The following SYNE2 variants were observed in gnomAD, a reference collection of about 807,000 sequenced individuals.
The protein encoded by SYNE2 is nesprin-2.
In SYNE2, 431 loss-of-function variants were observed where a neutral mutation model predicts 856.3. The ratio of observed to expected loss-of-function variants is 0.50; its 90% confidence interval spans 0.47 to 0.55. The LOEUF is 0.55. Ranked by LOEUF, SYNE2 falls within the 20% of genes least tolerant of loss-of-function variation. SYNE2 has a pLI of 0.00. For missense variants in SYNE2, 8,129 were observed against 8,023.2 expected, an observed-to-expected ratio of 1.01 and a Z score of -0.50; for synonymous variants, 2,923 against 2,872.3, an observed-to-expected ratio of 1.02 and a Z score of -0.56.
At chr14:63,926,476 A>G (rs1278599136) in intron 2 of SYNE2, among the ~76,000 whole-genome samples, 3 of 152,176 alleles carry the variant, frequency 2.0e-5, no homozygotes, top group Non-Finnish European at 4.4e-5. Flanking sequence ...TCAGTCTGTG[A>G]ATGCCATGTG....
chr14:64,048,307 C>T (rs1432852993), intron 46 of SYNE2, 152 bp downstream of exon 46: 3 of 629,468 alleles, frequency 4.8e-6, no homozygotes, highest in Non-Finnish European at 8.1e-6. Flanking sequence ...TAATTATGTA[C>T]TAAGTAAGTT....
intron 99 of SYNE2, chr14:64,191,058 A>C (rs2098516315): frequency 4.3e-6 from 3 of 702,156 alleles, no homozygotes; most frequent in Admixed American, 2.0e-5. Flanking sequence ...TTTGAACAAC[A>C]CATAGAATTT....
chr14:63,803,024 C>G (rs1326018481), intron 1 of SYNE2, among the ~76,000 whole-genome samples: 5 of 152,206 alleles, frequency 3.3e-5, no homozygotes, highest in Non-Finnish European at 7.3e-5. Context: ...GAGCAGGTTG[C>G]CAATAATGGC....
rs57259697 is a variant in SYNE2 at position 64,000,640 on chromosome 14, A to C, written c.3559A>C (p.Ile1187Leu). 9,367 of 1,613,540 alleles carry C rather than the reference A, an allele frequency of 5.8e-3. 487 individuals are homozygous for C. In the African/African-American group the frequency reaches 0.11, roughly 19 times the overall value. The change falls in exon 28 of 116, where the codon ATA (isoleucine) becomes CTA (leucine). Residue 1187 changes from isoleucine (I) to leucine (L), a missense_variant. Around this residue, in one of 3 missense-constraint regions of SYNE2, gnomAD observed 2,422 missense variants for 2,357.4 expected, o/e 1.03. Transcript: ENST00000555002. ...GAAGTTAGAAAATCATGTGAATGACATAAAAAAGCCTTTTGTAATTAAGGA... is the reference window on the plus strand; with the variant it reads ...GAAGTTAGAAAATCATGTGAATGACCTAAAAAAGCCTTTTGTAATTAAGGA... ...SLKLENHVNDIKKPFVIKERD... is the reference protein window; with the variant it reads ...SLKLENHVNDLKKPFVIKERD...
At chr14:64,141,809 T>G in intron 81 of SYNE2, 133 bp from the exon 82 acceptor site, 2 of 1,208,176 alleles carry the variant, frequency 1.7e-6, no homozygotes, top group South Asian at 1.4e-5. Context: ...GAATGCTGGG[T>G]TTGTTTTTTT....
chr14:63,809,236 A>AT (rs60842747), intron 1 of SYNE2, among the ~76,000 whole-genome samples: 1 of 152,022 alleles, frequency 6.6e-6, no homozygotes, highest in Admixed American at 6.6e-5. Context: ...AAAAAAAAAA[A>AT]GTAAATTTGC....
chr14:64,009,871 C>T, intron 31 of SYNE2, 95 bp from the exon 32 acceptor site: 1 of 1,121,560 alleles, frequency 8.9e-7, no homozygotes. Flanking sequence ...AAGTCCTTTA[C>T]ACCTTATTCA....
intron 16 of SYNE2, among the ~76,000 whole-genome samples, chr14:63,981,544 T>A (rs1460362109): frequency 2.0e-5 from 3 of 152,226 alleles, no homozygotes; most frequent in Non-Finnish European, 4.4e-5. Context: ...AAACTACTGT[T>A]CAGAAAGTTT....
At chr14:63,802,144 T>C (rs1171604196) in intron 1 of SYNE2, among the ~76,000 whole-genome samples, 1 of 151,376 alleles carries the variant, frequency 6.6e-6, no homozygotes, top group African/African-American at 2.4e-5. Flanking sequence ...TCTTGCTCTG[T>C]CACCCAGGCT....
intron 91 of SYNE2, 44 bp downstream of exon 91, chr14:64,167,431 T>A (rs2098386404): frequency 1.2e-6 from 2 of 1,614,244 alleles, no homozygotes; most frequent in Non-Finnish European, 1.7e-6. Flanking sequence ...TAAGGTAAAA[T>A]TAACGGCTTC....
chr14:64,056,734 G>A (rs1223694465), intron 49 of SYNE2, among the ~76,000 whole-genome samples: 2 of 151,340 alleles, frequency 1.3e-5, no homozygotes, highest in African/African-American at 2.4e-5. Context: ...GCAGTGGCAC[G>A]ATCTTGGCTC....
intron 96 of SYNE2, 81 bp from the exon 97 acceptor site, chr14:64,186,343 T>A: frequency 6.3e-7 from 1 of 1,582,994 alleles, no homozygotes; most frequent in Non-Finnish European, 8.7e-7. Context: ...CAGAGTCTAA[T>A]CAAAGGATTA....
intron 57 of SYNE2, among the ~76,000 whole-genome samples, chr14:64,086,876 A>G (rs1239255396): frequency 6.6e-6 from 1 of 151,326 alleles, no homozygotes; most frequent in Non-Finnish European, 1.5e-5. Flanking sequence ...CACCTGGCTA[A>G]TTTTTGTATT....
At chr14:64,223,132 T>C in intron 112 of SYNE2, 57 bp from the exon 113 acceptor site, 1 of 1,600,800 alleles carries the variant, frequency 6.2e-7, no homozygotes, top group Non-Finnish European at 8.5e-7. Flanking sequence ...ACCTCCTGTG[T>C]CCACACTCGC....
At chr14:63,767,902 C>T (rs1886746027) in intron 1 of SYNE2, among the ~76,000 whole-genome samples, 1 of 151,964 alleles carries the variant, frequency 6.6e-6, no homozygotes. Flanking sequence ...TATATGAAAG[C>T]CATTGTGTAA....
At chr14:63,840,273 A>G (rs1196549380) in intron 1 of SYNE2, among the ~76,000 whole-genome samples, 2 of 152,182 alleles carry the variant, frequency 1.3e-5, no homozygotes, top group Non-Finnish European at 2.9e-5. Context: ...CCTGTCTCAA[A>G]AAAAAAAGTA....
chr14:64,225,490 C>T lies in SYNE2; in HGVS notation c.20688C>T (p.Pro6896=), dbSNP rs1419099314. 1.9e-6 allele frequency: 3 copies of T among 1,614,092 alleles called. No individual in the cohort carries two copies. The highest frequency in any genetic ancestry group is 1.7e-5 in the Admixed American group (1 of 60,000). The change falls in exon 116 of 116, where the codon CCC becomes CCT. Residue 6896 remains proline (P), a synonymous_variant. Transcript: ENST00000555002. Reference sequence around the variant, plus strand: ...ACAACTTTGCCCGGTCCTTTTACCCCATGCTGAGGTACACCAATGGGCCAC... The same window carrying T: ...ACAACTTTGCCCGGTCCTTTTACCCTATGCTGAGGTACACCAATGGGCCAC... The part of the protein sequence containing the change: ...QANNFARSFY[P]MLRYTNGPPP...
At chr14:64,142,196 C>A (rs1041130916) in intron 82 of SYNE2, 108 bp downstream of exon 82, 5 of 1,328,352 alleles carry the variant, frequency 3.8e-6, no homozygotes, top group Admixed American at 3.9e-5. Context: ...AAAACTAATT[C>A]TAGGGGTAGG....
chr14:64,140,615 A>G (rs947810669), intron 80 of SYNE2, among the ~76,000 whole-genome samples: 1 of 152,260 alleles, frequency 6.6e-6, no homozygotes, highest in African/African-American at 2.4e-5. Context: ...GTCATGTTTT[A>G]CAAATACAAA....
Sources: allele counts gnomAD v4.1 joint callset (sites outside exome capture counted in the v4.1 genomes callset), GRCh38; gene constraint gnomAD v4.1.1; regional missense constraint gnomAD v4.1.1; transcripts MANE v1.5; gene names NCBI Gene and HGNC (gene_info 2026-07-23, HGNC 2026-07-21).